SYTL3: variants seen among roughly 807,000 people sequenced by gnomAD.
The protein encoded by SYTL3 is synaptotagmin-like protein 3.
Under a neutral mutation model 82.1 loss-of-function variants are expected in SYTL3, and 88 were observed. The observed-to-expected ratio is 1.07, with a 90% CI of 0.90 to 1.28. The LOEUF (loss-of-function observed/expected upper bound fraction) is 1.28, where lower values mean the gene tolerates loss of function less well. Among genes scored for constraint, SYTL3 ranks in the 50% most tolerant of loss-of-function variants. SYTL3 has a pLI of 0.00. For synonymous variants in SYTL3, 311 were observed against 289.4 expected (o/e 1.07, Z -0.76); for missense variants, 831 against 757.6 (o/e 1.10, Z -1.14).
intron 6 of SYTL3, among the ~76,000 whole-genome samples, chr6:158,704,090 G>A (rs938704606): frequency 6.8e-4 from 103 of 151,788 alleles, no homozygotes; most frequent in African/African-American, 2.4e-3. Flanking sequence ...GCCTCCCAAA[G>A]TGCTGGGATT....
intron 11 of SYTL3, among the ~76,000 whole-genome samples, chr6:158,741,941 G>A (rs754783563): frequency 2.0e-5 from 3 of 152,154 alleles, no homozygotes; most frequent in South Asian, 2.1e-4. Context: ...GTCATCTTCC[G>A]ATGGCCGCCA....
chr6:158,733,320 A>G (rs1161002228), intron 11 of SYTL3, among the ~76,000 whole-genome samples: 3 of 151,864 alleles, frequency 2.0e-5, no homozygotes, highest in African/African-American at 7.3e-5. Flanking sequence ...TCTATTGTCT[A>G]TACTTTTTTT....
chr6:158,749,830 CATGAA>C (rs1186774212), intron 12 of SYTL3, among the ~76,000 whole-genome samples: 1 of 152,070 alleles, frequency 6.6e-6, no homozygotes, highest in Non-Finnish European at 1.5e-5. Context: ...CCAAAACTGA[CATGAA>C]ATGAAATAGA....
intron 5 of SYTL3, among the ~76,000 whole-genome samples, chr6:158,672,004 G>T (rs1777435254): frequency 6.6e-6 from 1 of 151,930 alleles, no homozygotes; most frequent in Admixed American, 6.6e-5. Flanking sequence ...CACTTGAATT[G>T]CCTCCTTAAG....
chr6:158,761,364 C>T (rs960672298), intron 15 of SYTL3, among the ~76,000 whole-genome samples: 1 of 139,824 alleles, frequency 7.2e-6, no homozygotes. Context: ...GTGCAGTGGC[C>T]CGATCTTGGC....
At chr6:158,734,837 T>C (rs1042030000) in intron 11 of SYTL3, among the ~76,000 whole-genome samples, 4 of 152,226 alleles carry the variant, frequency 2.6e-5, no homozygotes, top group African/African-American at 9.6e-5. Flanking sequence ...ATAGTTACCA[T>C]TTATTGAAAG....
intron 6 of SYTL3, among the ~76,000 whole-genome samples, chr6:158,705,542 G>T (rs1398469675): frequency 1.5e-3 from 176 of 120,936 alleles, no homozygotes; most frequent in Non-Finnish European, 1.8e-3. Flanking sequence ...AACACTGAGG[G>T]CTGTAAGGTC....
chr6:158,711,019 A>G (rs1782707038), intron 8 of SYTL3, among the ~76,000 whole-genome samples: 1 of 152,050 alleles, frequency 6.6e-6, no homozygotes, highest in Non-Finnish European at 1.5e-5. Flanking sequence ...TGATCTCGTG[A>G]TCTGCCCACC....
intron 6 of SYTL3, among the ~76,000 whole-genome samples, chr6:158,699,573 T>C (rs899432599): frequency 2.6e-5 from 4 of 152,246 alleles, no homozygotes; most frequent in Non-Finnish European, 5.9e-5. Flanking sequence ...ATCTATAGTT[T>C]GTGTGAATCC....
intron 8 of SYTL3, among the ~76,000 whole-genome samples, chr6:158,711,176 A>G (rs1462149269): frequency 2.0e-5 from 3 of 152,244 alleles, no homozygotes; most frequent in Non-Finnish European, 2.9e-5. Context: ...TGCAACACCA[A>G]TACTAATTAG....
intron 12 of SYTL3, among the ~76,000 whole-genome samples, chr6:158,746,450 A>ATTATTATTATTATTAT (rs1554263734): frequency 0.027 from 1,709 of 63,558 alleles, 16 homozygotes; most frequent in Non-Finnish European, 0.039. Flanking sequence ...TATAATAATA[A>ATTATTATTATTATTAT]TAATAATAAT....
chr6:158,646,045 C>G (rs1288723819), upstream of SYTL3, among the ~76,000 whole-genome samples: 6 of 152,332 alleles, frequency 3.9e-5, no homozygotes, highest in East Asian at 1.2e-3. Flanking sequence ...AAGTACCATG[C>G]AGGAAGGATC....
At position 158,663,025 on chromosome 6, in the gene SYTL3, C is replaced by G; in HGVS notation, c.-244C>G. 1 of 399,786 alleles carries G rather than the reference C, an allele frequency of 2.5e-6. No homozygotes were observed. Among genetic ancestry groups the G allele is most frequent in the Non-Finnish European group, 4.5e-6 (1 of 221,928 alleles). 24.8% of individuals were successfully genotyped at this position (399,786 alleles called of 1,614,324 possible). ...CGGTGAAAACACCCCCCGGGTAGCA[C>G]GAGGCTCTGCGAGCCGTAACTCCGA... On this transcript the variant is annotated 5_prime_UTR_variant, in exon 4 of 18. Coordinates refer to ENST00000611299, the MANE Select transcript of SYTL3 (RefSeq NM_001242394.2).
intron 11 of SYTL3, among the ~76,000 whole-genome samples, chr6:158,736,813 A>G (rs1786239363): frequency 6.6e-6 from 1 of 151,808 alleles, no homozygotes; most frequent in Admixed American, 6.6e-5. Flanking sequence ...AAAAGTAGAA[A>G]AAGTAAAACC....
At chr6:158,677,322 C>T (rs560659784) in intron 5 of SYTL3, among the ~76,000 whole-genome samples, 13 of 152,150 alleles carry the variant, frequency 8.5e-5, no homozygotes, top group East Asian at 7.7e-4. Context: ...AACCAAACAC[C>T]GCATGTTTCT....
intron 5 of SYTL3, among the ~76,000 whole-genome samples, chr6:158,674,693 C>T (rs1446712858): frequency 6.6e-6 from 1 of 152,214 alleles, no homozygotes; most frequent in Non-Finnish European, 1.5e-5. Flanking sequence ...AAGTACGGCT[C>T]TGTCCAGCTG....
At chr6:158,685,025 C>G (rs946087114) in intron 6 of SYTL3, among the ~76,000 whole-genome samples, 1 of 152,040 alleles carries the variant, frequency 6.6e-6, no homozygotes, top group Non-Finnish European at 1.5e-5. Flanking sequence ...CTTTTGATAT[C>G]ACAGATATCA....
chr6:158,660,600 C>T (rs192535842), intron 2 of SYTL3, among the ~76,000 whole-genome samples: 1 of 152,276 alleles, frequency 6.6e-6, no homozygotes, highest in East Asian at 1.9e-4. Flanking sequence ...TTTCAGATTC[C>T]CCCACCAGAT....
chr6:158,708,502 T>C (rs915653939), intron 8 of SYTL3, 111 bp downstream of exon 8: 2 of 1,047,136 alleles, frequency 1.9e-6, no homozygotes, highest in Non-Finnish European at 2.9e-6. Context: ...AGCAAAGGGA[T>C]CTGACTGTGC....
Sources: allele counts gnomAD v4.1 joint callset (sites outside exome capture counted in the v4.1 genomes callset), GRCh38; gene constraint gnomAD v4.1.1; transcripts MANE v1.5; gene names NCBI Gene and HGNC (gene_info 2026-07-23, HGNC 2026-07-21).